The following TPCN1 variants were observed in gnomAD, a reference collection of about 807,000 sequenced individuals.
TPCN1 encodes two pore segment channel 1, also known as two pore channel protein 1.
Under a neutral mutation model 108.8 loss-of-function variants are expected in TPCN1, and 52 were observed. The ratio of observed to expected loss-of-function variants is 0.48; its 90% CI spans 0.38 to 0.60. The LOEUF is 0.60. Among genes scored for constraint, TPCN1 ranks in the 20% least tolerant of loss-of-function variants. The pLI, the probability that TPCN1 is intolerant of heterozygous loss-of-function variation, is 0.00. For missense variants in TPCN1, 806 were observed against 1,072.8 expected, an observed-to-expected ratio of 0.75 and a Z score of 3.47; for synonymous variants, 446 against 433.7, an observed-to-expected ratio of 1.03 and a Z score of -0.35.
intron 13 of TPCN1, among the ~76,000 whole-genome samples, chr12:113,278,472 T>C (rs1227898281): frequency 6.6e-6 from 1 of 152,228 alleles, no homozygotes; most frequent in Non-Finnish European, 1.5e-5. Flanking sequence ...CCATTGGTTA[T>C]TGTGTGACAT....
rs1198124059 is a variant in TPCN1, at chr12:113,289,619, A to C, written c.1797-509A>C. On this transcript the variant is annotated intron_variant, in intron 21 of 27. Coordinates refer to ENST00000335509, the MANE Select transcript of TPCN1 (RefSeq NM_017901.6). The surrounding 1 kb of genome is among the most constrained non-coding windows in gnomAD (Gnocchi z 4.1). ...GCACTAGACTTTTATAAACATTAGC[A>C]TGGATATTAACAGAACAGCCATAAA... is the stretch of plus-strand genomic sequence containing the variant. 6.6e-6 allele frequency among the ~76,000 whole-genome samples: 1 copy of C among 152,188 alleles called. No homozygotes were observed. Among genetic ancestry groups the C allele is most frequent in the African/African-American group, 2.4e-5 (1 of 41,460 alleles).
At chr12:113,280,004 C>T (rs1463060098) in intron 14 of TPCN1, 147 bp from the exon 15 acceptor site, 2 of 627,218 alleles carry the variant, frequency 3.2e-6, no homozygotes, top group Non-Finnish European at 5.8e-6. Flanking sequence ...CTTTCTTCAC[C>T]TCTGGGGTAA....
Position 113,288,301 on chromosome 12 carries a change from A to T in TPCN1, c.1706+67A>T. The T allele has an allele frequency of 6.2e-7, 1 of 1,607,828 alleles. No homozygotes were observed. Reference sequence around the variant, plus strand: ...TGTGGCAGTGCCCCGTGGGGGCGGGAGCCGAGTGGCAGTCGGGGGAAAGGA... The same window carrying T: ...TGTGGCAGTGCCCCGTGGGGGCGGGTGCCGAGTGGCAGTCGGGGGAAAGGA... On this transcript the variant is annotated intron_variant, in intron 20 of 27. Coordinates refer to ENST00000335509, the MANE Select transcript of TPCN1 (RefSeq NM_017901.6). This position sits in a 1 kb window ranked among gnomAD's most constrained non-coding sequence, Gnocchi z 4.8.
chr12:113,292,696 C>T, intron 25 of TPCN1: 1 of 461,408 alleles, frequency 2.2e-6, no homozygotes. Flanking sequence ...CTTAGAGGCC[C>T]CTTCCTGAAA....
chr12:113,246,766 G>T (rs1370942947), intron 2 of TPCN1, among the ~76,000 whole-genome samples: 1 of 152,188 alleles, frequency 6.6e-6, no homozygotes, highest in African/African-American at 2.4e-5. Context: ...AACCCGTTCT[G>T]CTCTGGGCAA....
intron 2 of TPCN1, among the ~76,000 whole-genome samples, chr12:113,243,069 G>T (rs1954213010): frequency 6.6e-6 from 1 of 152,230 alleles, no homozygotes; most frequent in Non-Finnish European, 1.5e-5. Context: ...TAGGTGGTCA[G>T]TCTTTTAAAA....
intron 7 of TPCN1, among the ~76,000 whole-genome samples, chr12:113,270,718 ATCCACCTGCCTCCGCC>A (rs1196113402): frequency 6.6e-6 from 1 of 151,900 alleles, no homozygotes; most frequent in Non-Finnish European, 1.5e-5. Context: ...TGACCTTGTG[ATCCACCTGCCTCCGCC>A]TCCCAAAGTG....
rs562338867 is a variant in TPCN1, at chr12:113,221,542, G to T, written c.-210G>T. 1.0e-4 allele frequency: 28 copies of T among 276,028 alleles called. No individual in the cohort carries two copies. In the East Asian group the frequency reaches 2.9e-3, roughly 28 times the overall value. The allele number at this position is 276,028 out of a possible 1,614,324, so 17.1% of individuals were successfully genotyped here. ...GCTGCGGCGGCTGCAACAGCTTCGG[G>T]CTCGGGGTTTTGGCGGCGGCGCCGG... On this transcript the variant is annotated 5_prime_UTR_variant, in exon 1 of 28. Transcript: ENST00000335509.
At chr12:113,261,521 C>T (rs1454730619) in intron 3 of TPCN1, among the ~76,000 whole-genome samples, 2 of 151,006 alleles carry the variant, frequency 1.3e-5, no homozygotes, top group African/African-American at 4.9e-5. Context: ...CTCTGCCTCC[C>T]GGGTTCAAGC....
Position 113,284,245 on chromosome 12 carries a change from G to A in TPCN1, c.1343-336G>A, listed in dbSNP as rs1228016009. ...ATTTTAAAATTAGAAGTCTCTAGGG[G>A]AAAACAAGTGTTTTCAATACTTGAA... On this transcript the variant is annotated intron_variant, in intron 15 of 27. Coordinates refer to ENST00000335509, the MANE Select transcript of TPCN1 (RefSeq NM_017901.6). The surrounding 1 kb of genome is among the most constrained non-coding windows in gnomAD (Gnocchi z 4.1). 6.6e-6 allele frequency among the ~76,000 whole-genome samples: 1 copy of A among 152,192 alleles called. No individual in the cohort carries two copies. Among genetic ancestry groups the A allele is most frequent in the Non-Finnish European group, 1.5e-5 (1 of 68,040 alleles).
chr12:113,277,138 C>T, intron 11 of TPCN1, 102 bp from the exon 12 acceptor site: 1 of 1,601,946 alleles, frequency 6.2e-7, no homozygotes, highest in Non-Finnish European at 8.5e-7. Context: ...AACCAGGAAC[C>T]CTGCCCTTGG....
At chr12:113,287,530 G>A (rs115643187) in intron 19 of TPCN1, 1 of 167,474 alleles carries the variant, frequency 6.0e-6, no homozygotes, top group Non-Finnish European at 1.3e-5. Flanking sequence ...GAAAGTCCCA[G>A]ACGAGCCTGC....
intron 25 of TPCN1, 60 bp downstream of exon 25, chr12:113,292,018 T>A (rs996450763): frequency 1.4e-6 from 2 of 1,470,362 alleles, no homozygotes; most frequent in African/African-American, 2.8e-5. Context: ...GCTCTGTCTG[T>A]CTGTCTGGGT....
chr12:113,250,509 C>T (rs1954591724), intron 2 of TPCN1, among the ~76,000 whole-genome samples: 2 of 152,188 alleles, frequency 1.3e-5, no homozygotes, highest in Non-Finnish European at 2.9e-5. Context: ...GGACAGGTGC[C>T]CCTGGAGGGC....
At position 113,291,519 on chromosome 12, in the gene TPCN1, G is replaced by A. The variant is rs151195255; in HGVS notation, c.1960-90G>A. 1,280 of 1,136,354 alleles carry A rather than the reference G, an allele frequency of 1.1e-3. 17 individuals carry two copies. In the African/African-American group the frequency reaches 0.018, roughly 16 times the overall value. The allele number at this position is 1,136,354 out of a possible 1,614,324, so 70.4% of individuals were successfully genotyped here. A position where few individuals can be genotyped will look rare whatever the true frequency, so the allele number is the denominator to read the frequency against. ...CCAGCCACAAATCACGGTGGGGTCT[G>A]CGAAGAGCCGGGGCCATGGAGCAGC... On this transcript the variant is annotated intron_variant, in intron 23 of 27. Coordinates refer to ENST00000335509, the MANE Select transcript of TPCN1 (RefSeq NM_017901.6).
Position 113,288,803 on chromosome 12 carries a change from G to A in TPCN1, c.1752G>A (p.Val584=). ...LLIFYYSFAI[V]GMEFFCGIVF... ...TCTTTTACTACTCCTTCGCCATCGTGGGCATGGAGTTCTTCTGCGGGATCG... is the reference window on the plus strand; with the variant it reads ...TCTTTTACTACTCCTTCGCCATCGTAGGCATGGAGTTCTTCTGCGGGATCG... The change falls in exon 21 of 28, where the codon GTG becomes GTA. Residue 584 remains valine, a synonymous_variant. Coordinates refer to ENST00000335509, the MANE Select transcript of TPCN1 (RefSeq NM_017901.6). This position sits in a 1 kb window ranked among gnomAD's most constrained non-coding sequence, Gnocchi z 4.8. 6.2e-7 allele frequency: 1 copy of A among 1,613,556 alleles called. No homozygotes were observed. Among genetic ancestry groups the A allele is most frequent in the Non-Finnish European group, 8.5e-7 (1 of 1,180,042 alleles).
chr12:113,286,828 C>G (rs1471409636), intron 18 of TPCN1, among the ~76,000 whole-genome samples, 159 bp from the exon 19 acceptor site: 1 of 152,148 alleles, frequency 6.6e-6, no homozygotes, highest in Non-Finnish European at 1.5e-5. Context: ...CCTTGAAACC[C>G]CAGGGTGGCA....
rs1956476002 is a variant in TPCN1, at chr12:113,297,830, T to G, written c.*1754T>G. The G allele has an allele frequency of 6.6e-6, 1 of 152,274 alleles. No homozygotes were observed. The highest frequency in any genetic ancestry group is 1.5e-5 in the Non-Finnish European group (1 of 68,110). The allele number at this position is 152,274 out of a possible 1,614,324, so 9.4% of individuals were successfully genotyped here. A position where few individuals can be genotyped will look rare whatever the true frequency, so the allele number is the denominator to read the frequency against. On this transcript the variant is annotated 3_prime_UTR_variant, in exon 28 of 28. Coordinates refer to ENST00000335509, the MANE Select transcript of TPCN1 (RefSeq NM_017901.6). The surrounding 1 kb of genome is among the most constrained non-coding windows in gnomAD (Gnocchi z 4.4). ...CAGAGAGGGAACTTTATTGCACAAT[T>G]GGGTGCCTTTTAGCTTTTGTGTGTT...
rs1229355273 is a variant in TPCN1 at position 113,291,644 on chromosome 12, C to T, written c.1995C>T (p.Arg665=). Residue 665 remains arginine (R), a synonymous_variant, in exon 24 of 28, where the codon CGC becomes CGT. Coordinates refer to ENST00000335509, the MANE Select transcript of TPCN1 (RefSeq NM_017901.6). ...CCTCTCAGACCTCCCACTGGAGCCGCCTCTACTTCATGACCTTTTACATTG... is the reference window on the plus strand; with the variant it reads ...CCTCTCAGACCTCCCACTGGAGCCGTCTCTACTTCATGACCTTTTACATTG... ...GVTSQTSHWS[R]LYFMTFYIVT... 1.2e-6 allele frequency: 2 copies of T among 1,613,880 alleles called. No individual in the cohort carries two copies. The highest frequency in any genetic ancestry group is 2.2e-5 in the South Asian group (2 of 90,996).
Sources: gnomAD v4.1 joint callset for allele counts (sites outside exome capture counted in the v4.1 genomes callset) on GRCh38, gnomAD v4.1.1 for gene constraint, Gnocchi (gnomAD v3.1) non-coding constraint, MANE v1.5 for transcripts, NCBI Gene and HGNC (gene_info 2026-07-23, HGNC 2026-07-21) for gene names.